The following DLGAP1 variants were observed in gnomAD, a reference collection of about 807,000 sequenced individuals.
DLGAP1 encodes the protein disks large-associated protein 1.
Under a neutral mutation model 90.8 loss-of-function variants are expected in DLGAP1, and 11 were observed. The observed-to-expected ratio is 0.12, with a 90% CI of 0.08 to 0.20. The LOEUF (loss-of-function observed/expected upper bound fraction) is 0.20. Among genes scored for constraint, DLGAP1 ranks in the 10% least tolerant of loss-of-function variants. The probability of loss-of-function intolerance (pLI) is 1.00; values close to 1 mark genes in which losing one functional copy is unlikely to be tolerated. For missense variants in DLGAP1, 1,050 were observed against 1,333.8 expected, an observed-to-expected ratio of 0.79 and a Z score of 3.31; for synonymous variants, 558 against 540.7, an observed-to-expected ratio of 1.03 and a Z score of -0.44.
At chr18:3,989,801 C>A (rs533805796) in intron 3 of DLGAP1, among the ~76,000 whole-genome samples, 8 of 152,192 alleles carry the variant, frequency 5.3e-5, no homozygotes, top group African/African-American at 1.2e-4. Context: ...AAACAAACAA[C>A]CCCATCAAAA....
At chr18:4,263,451 AT>A (rs1338678629) in intron 1 of DLGAP1, among the ~76,000 whole-genome samples, 4 of 152,174 alleles carry the variant, frequency 2.6e-5, no homozygotes, top group African/African-American at 9.6e-5. Context: ...TTTTAAAATA[AT>A]TTTTAAGTAA....
intron 1 of DLGAP1, among the ~76,000 whole-genome samples, chr18:4,221,823 C>G (rs2078083714): frequency 6.6e-6 from 1 of 152,170 alleles, no homozygotes; most frequent in Admixed American, 6.5e-5. Flanking sequence ...AGGGTTATCT[C>G]TTCGCATTTA....
At chr18:4,035,367 AAAAC>A (rs1336818583) in intron 2 of DLGAP1, among the ~76,000 whole-genome samples, 1 of 152,162 alleles carries the variant, frequency 6.6e-6, no homozygotes, top group African/African-American at 2.4e-5. Flanking sequence ...AACAACAACA[AAAAC>A]AAAAACAAAT....
intron 1 of DLGAP1, among the ~76,000 whole-genome samples, chr18:4,332,476 A>T (rs2080973612): frequency 1.7e-5 from 2 of 115,348 alleles, no homozygotes; most frequent in South Asian, 6.7e-4. Context: ...ATTTAGTAAA[A>T]TAAAAACACA....
At chr18:4,424,013 G>A (rs372116140) in intron 1 of DLGAP1, among the ~76,000 whole-genome samples, 2 of 151,992 alleles carry the variant, frequency 1.3e-5, no homozygotes, top group African/African-American at 2.4e-5. Context: ...TTAGCCAGGC[G>A]TGGTGGCATG....
chr18:4,382,154 C>T (rs925093323), intron 1 of DLGAP1, among the ~76,000 whole-genome samples: 2 of 152,108 alleles, frequency 1.3e-5, no homozygotes. Flanking sequence ...AGCCATATCT[C>T]TTATATTTAT....
chr18:4,122,925 T>C (rs1279561169), intron 2 of DLGAP1, among the ~76,000 whole-genome samples: 1 of 152,160 alleles, frequency 6.6e-6, no homozygotes, highest in East Asian at 1.9e-4. Flanking sequence ...CAGGTTCATC[T>C]TTGGGGGATT....
intron 1 of DLGAP1, among the ~76,000 whole-genome samples, chr18:4,451,963 T>C (rs2083846236): frequency 6.6e-6 from 1 of 152,188 alleles, no homozygotes; most frequent in Non-Finnish European, 1.5e-5. Flanking sequence ...TTTAGCCTTC[T>C]TATTTCAATG....
intron 1 of DLGAP1, among the ~76,000 whole-genome samples, chr18:4,333,825 C>T (rs1162640380): frequency 6.6e-6 from 1 of 151,334 alleles, no homozygotes; most frequent in Non-Finnish European, 1.5e-5. Context: ...TGGTCTCTAT[C>T]TCCTAACCTC....
At chr18:4,420,946 A>C (rs1460944244) in intron 1 of DLGAP1, among the ~76,000 whole-genome samples, 1 of 152,170 alleles carries the variant, frequency 6.6e-6, no homozygotes, top group Non-Finnish European at 1.5e-5. Flanking sequence ...ATACATGATG[A>C]TACATATATA....
At position 4,019,969 on chromosome 18, in the gene DLGAP1, T is replaced by C. The variant is rs183288344; in HGVS notation, c.-158-14768A>G. On this transcript the variant is annotated intron_variant, in intron 2 of 12. Transcript: ENST00000315677. The stretch of plus-strand genomic sequence containing the variant: ...TCAATACATGTAAGATTTACATTGG[T>C]TTGATCTGGAAGGGTGGGACAACTC... 2.6e-5 allele frequency among the ~76,000 whole-genome samples: 4 copies of C among 152,324 alleles called. No individual in the cohort carries two copies. The East Asian group carries it at 5.8e-4, about 22-fold the overall frequency.
intron 7 of DLGAP1, among the ~76,000 whole-genome samples, chr18:3,661,296 C>T (rs1180689699): frequency 2.0e-5 from 3 of 152,216 alleles, no homozygotes; most frequent in African/African-American, 7.2e-5. Flanking sequence ...ACACTCCTCC[C>T]ACAGACAGGT....
At chr18:4,322,463 T>C (rs2080714793) in intron 1 of DLGAP1, among the ~76,000 whole-genome samples, 1 of 152,176 alleles carries the variant, frequency 6.6e-6, no homozygotes, top group Non-Finnish European at 1.5e-5. Flanking sequence ...TAAAACTGGA[T>C]TCTTTATCAC....
chr18:4,241,456 T>G (rs547177656), intron 1 of DLGAP1, among the ~76,000 whole-genome samples: 1 of 152,292 alleles, frequency 6.6e-6, no homozygotes, highest in African/African-American at 2.4e-5. Context: ...GAAATCTCAC[T>G]GTAAGTCCAT....
intron 7 of DLGAP1, among the ~76,000 whole-genome samples, chr18:3,656,938 T>C (rs146033313): frequency 6.6e-5 from 10 of 151,914 alleles, no homozygotes; most frequent in Admixed American, 6.6e-4. Flanking sequence ...AGTAGAAACA[T>C]GGTTTCACTG....
chr18:4,255,510 A>AATAT (rs1555772774), intron 1 of DLGAP1, among the ~76,000 whole-genome samples: 1 of 149,332 alleles, frequency 6.7e-6, no homozygotes, highest in African/African-American at 2.5e-5. Flanking sequence ...TGAAAAAAAA[A>AATAT]ATATATATAT....
chr18:3,512,219 G>A (rs144595255), intron 10 of DLGAP1, among the ~76,000 whole-genome samples: 3 of 152,114 alleles, frequency 2.0e-5, no homozygotes, highest in Admixed American at 6.5e-5. Flanking sequence ...CCATCTATTT[G>A]TGTAATACTT....
At chr18:3,991,621 T>C (rs1164951402) in intron 3 of DLGAP1, among the ~76,000 whole-genome samples, 1 of 152,208 alleles carries the variant, frequency 6.6e-6, no homozygotes, top group Non-Finnish European at 1.5e-5. Context: ...CTGGTTGGTA[T>C]TGCCCTTCTC....
chr18:4,205,335 T>C lies in DLGAP1; in HGVS notation c.-266-54048A>G, dbSNP rs79340572. Among the ~76,000 whole-genome samples, 943 of 152,246 alleles carry C rather than the reference T, an allele frequency of 6.2e-3. 17 individuals carry two copies. Among genetic ancestry groups the C allele is most frequent in the African/African-American group, 0.022 (901 of 41,556 alleles). On this transcript the variant is annotated intron_variant, in intron 1 of 12. Transcript: ENST00000315677. ...GCCATGGTGGTGTGTGTCTACGGCA[T>C]ATGGCACTAAGTGGATGGGATAGGA...
Sources: gnomAD v4.1 joint callset for allele counts (sites outside exome capture counted in the v4.1 genomes callset) on GRCh38, gnomAD v4.1.1 for gene constraint, MANE v1.5 for transcripts, NCBI Gene and HGNC (gene_info 2026-07-23, HGNC 2026-07-21) for gene names.